Variants in CSGALNACT1 observed in about 807,000 individuals in gnomAD.
CSGALNACT1 encodes beta4GalNAcT-1.
In CSGALNACT1, 52 loss-of-function variants were observed where a neutral mutation model predicts 51.0. The ratio of observed to expected loss-of-function variants is 1.02; its 90% CI spans 0.82 to 1.29. CSGALNACT1 has a LOEUF of 1.29. Ranked by LOEUF, CSGALNACT1 falls within the 50% of genes most tolerant of loss-of-function variation. CSGALNACT1 has a pLI of 0.00. For synonymous variants in CSGALNACT1, 341 were observed against 254.4 expected (o/e 1.34, Z -3.24); for missense variants, 935 against 679.2 (o/e 1.38, Z -4.19).
At chr8:19,655,664 G>A (rs1210286861) in intron 1 of CSGALNACT1, among the ~76,000 whole-genome samples, 1 of 151,918 alleles carries the variant, frequency 6.6e-6, no homozygotes, top group African/African-American at 2.4e-5. Context: ...CAAGTGACCT[G>A]CCCTCAGCCT....
At chr8:19,443,555 G>A (rs2061656910) in intron 5 of CSGALNACT1, among the ~76,000 whole-genome samples, 1 of 152,142 alleles carries the variant, frequency 6.6e-6, no homozygotes. Flanking sequence ...CATGGTGGCA[G>A]GCAAGAGAGC....
chr8:19,733,684 C>T (rs1472863041), intron 1 of CSGALNACT1, among the ~76,000 whole-genome samples: 3 of 152,190 alleles, frequency 2.0e-5, no homozygotes, highest in African/African-American at 7.2e-5. Flanking sequence ...ATTATGCATG[C>T]TTTTCTCTTT....
At chr8:19,519,621 T>C (rs574590116) in intron 3 of CSGALNACT1, among the ~76,000 whole-genome samples, 1 of 152,266 alleles carries the variant, frequency 6.6e-6, no homozygotes, top group East Asian at 1.9e-4. Flanking sequence ...CATGCTTTGA[T>C]CCGAAGGCGA....
At chr8:19,570,592 AG>A (rs1457553849) in intron 3 of CSGALNACT1, among the ~76,000 whole-genome samples, 1 of 152,110 alleles carries the variant, frequency 6.6e-6, no homozygotes, top group African/African-American at 2.4e-5. Flanking sequence ...ACACGCTGGG[AG>A]GGTTGTTCTA....
At position 19,725,659 on chromosome 8, in the gene CSGALNACT1, G is replaced by A. The variant is rs10091569; in HGVS notation, c.-297+32191C>T. Among the ~76,000 whole-genome samples the A allele has an allele frequency of 4.2e-3, 638 of 152,018 alleles. 2 individuals are homozygous for A. The highest frequency in any genetic ancestry group is 0.015 in the African/African-American group (603 of 41,468). ...AGGCTGGTTTCGAACTCCTGACCTC[G>A]TGATCCACATGACTCAGCCTCCCAA... On this transcript the variant is annotated intron_variant, in intron 1 of 1. Coordinates refer to the CSGALNACT1 transcript ENST00000517494.
chr8:19,408,743 AAT>A (rs1391730023), intron 8 of CSGALNACT1, 49 bp from the exon 8 acceptor site: 1 of 1,554,162 alleles, frequency 6.4e-7, no homozygotes, highest in East Asian at 2.2e-5. Context: ...GGTGGACAAA[AAT>A]AGAGTGTTCA....
At chr8:19,678,254 C>A (rs908853864) in intron 1 of CSGALNACT1, among the ~76,000 whole-genome samples, 1 of 152,286 alleles carries the variant, frequency 6.6e-6, no homozygotes, top group South Asian at 2.1e-4. Flanking sequence ...AAAGGCCTAA[C>A]AAGAAGTATC....
At chr8:19,669,682 C>A (rs966465254) in intron 1 of CSGALNACT1, among the ~76,000 whole-genome samples, 7 of 152,140 alleles carry the variant, frequency 4.6e-5, no homozygotes, top group Non-Finnish European at 8.8e-5. Context: ...ACCACATTGG[C>A]CAGGCTGGTC....
At chr8:19,746,979 C>A (rs1321509714) in intron 1 of CSGALNACT1, among the ~76,000 whole-genome samples, 1 of 152,162 alleles carries the variant, frequency 6.6e-6, no homozygotes, top group Non-Finnish European at 1.5e-5. Context: ...TTTAAAGAGC[C>A]AATGCCTCCC....
chr8:19,474,141 G>C (rs184196980), intron 4 of CSGALNACT1, among the ~76,000 whole-genome samples: 2 of 151,908 alleles, frequency 1.3e-5, no homozygotes, highest in African/African-American at 4.8e-5. Context: ...GATAAGCTAC[G>C]ACCAATGCCA....
At chr8:19,597,033 T>C (rs888805133) in intron 2 of CSGALNACT1, among the ~76,000 whole-genome samples, 6 of 152,150 alleles carry the variant, frequency 3.9e-5, no homozygotes, top group African/African-American at 1.4e-4. Flanking sequence ...CCTCTCATTC[T>C]ATTTTCTGTC....
intron 6 of CSGALNACT1, among the ~76,000 whole-genome samples, chr8:19,432,032 G>C (rs985093467): frequency 1.3e-5 from 2 of 151,898 alleles, no homozygotes; most frequent in African/African-American, 2.4e-5. Context: ...TTATACTATC[G>C]TTTATATTTG....
chr8:19,437,735 T>C (rs1191651342), intron 6 of CSGALNACT1, among the ~76,000 whole-genome samples: 4 of 152,170 alleles, frequency 2.6e-5, no homozygotes, highest in African/African-American at 7.2e-5. Context: ...TTCGGGTTAA[T>C]TTTGCCAAAG....
chr8:19,444,119 G>A (rs1289935375), intron 5 of CSGALNACT1, among the ~76,000 whole-genome samples: 1 of 152,174 alleles, frequency 6.6e-6, no homozygotes, highest in African/African-American at 2.4e-5. Flanking sequence ...TTCCTAACAG[G>A]CCACAGACCA....
At chr8:19,666,709 A>G (rs2059200952) in intron 1 of CSGALNACT1, among the ~76,000 whole-genome samples, 1 of 148,792 alleles carries the variant, frequency 6.7e-6, no homozygotes, top group Non-Finnish European at 1.5e-5. Context: ...AGAGAAAGAG[A>G]GAAAAGACAC....
At chr8:19,486,789 A>C (rs2073056026) in intron 4 of CSGALNACT1, among the ~76,000 whole-genome samples, 2 of 152,130 alleles carry the variant, frequency 1.3e-5, no homozygotes, top group South Asian at 4.1e-4. Flanking sequence ...TTGCTTACTT[A>C]GGTTCATGTT....
chr8:19,619,248 C>CA (rs1564274661), intron 1 of CSGALNACT1, among the ~76,000 whole-genome samples: 21 of 41,456 alleles, frequency 5.1e-4, no homozygotes, highest in African/African-American at 1.5e-3. Context: ...TAGACAGGGT[C>CA]GGGGGGGGGT....
intron 4 of CSGALNACT1, among the ~76,000 whole-genome samples, chr8:19,463,607 C>A (rs2066025951): frequency 6.6e-6 from 1 of 152,196 alleles, no homozygotes; most frequent in East Asian, 1.9e-4. Flanking sequence ...AGCAAAGCAG[C>A]CCCACAAACA....
intron 3 of CSGALNACT1, among the ~76,000 whole-genome samples, chr8:19,581,909 T>C (rs1168426579): frequency 6.6e-6 from 1 of 152,206 alleles, no homozygotes; most frequent in Non-Finnish European, 1.5e-5. Flanking sequence ...AACAAATTTA[T>C]TCTGACTTTC....
Sources: gnomAD v4.1 joint callset for allele counts (sites outside exome capture counted in the v4.1 genomes callset) on GRCh38, gnomAD v4.1.1 for gene constraint, MANE v1.5 for transcripts, NCBI Gene and HGNC (gene_info 2026-07-23, HGNC 2026-07-21) for gene names.